The following TMPRSS5 variants were observed in gnomAD, a reference collection of about 807,000 sequenced individuals.
TMPRSS5 encodes transmembrane serine protease 5.
TMPRSS5 carries 45 observed loss-of-function variants against 59.7 expected under a neutral mutation model. That is an observed-to-expected ratio of 0.75 (90% CI 0.59 to 0.97). The LOEUF (loss-of-function observed/expected upper bound fraction) is 0.97. Ranked by LOEUF, TMPRSS5 falls within the 50% of genes least tolerant of loss-of-function variation. The pLI is 0.00. For missense variants in TMPRSS5, 585 were observed against 596.7 expected (o/e 0.98, Z 0.20); for synonymous variants, 225 against 232.0 (o/e 0.97, Z 0.27).
chr11:113,695,439 T>C lies in TMPRSS5; in HGVS notation c.583A>G (p.Asn195Asp). ...GAAACAACTTGACCAGAAGTGCAGT[T>C]GTTCCTGCAAAACAGAGGTACCAAC... ...FLEEAWQPRN[N>D]CTSGQVVSLR... is the part of the protein sequence containing the mutation. Residue 195 changes from asparagine to aspartate, a missense_variant, in exon 7 of 13, where the codon AAC becomes GAC. Transcript: ENST00000299882. 1 of 1,613,982 alleles carries C rather than the reference T, an allele frequency of 6.2e-7. No individual in the cohort carries two copies. The highest frequency in any genetic ancestry group is 8.5e-7 in the Non-Finnish European group (1 of 1,179,876).
At chr11:113,693,601 T>C (rs573756304) in intron 8 of TMPRSS5, 1 of 178,594 alleles carries the variant, frequency 5.6e-6, no homozygotes. Flanking sequence ...TCTCTCAACT[T>C]ACTGTGTGTG....
chr11:113,700,281 T>A, intron 1 of TMPRSS5, 113 bp from the exon 2 acceptor site: 1 of 952,816 alleles, frequency 1.0e-6, no homozygotes. Flanking sequence ...CCATTGCCAC[T>A]TGTAAACCTC....
chr11:113,699,272 C>CT, intron 3 of TMPRSS5, among the ~76,000 whole-genome samples: 1 of 24,072 alleles, frequency 4.2e-5, no homozygotes, highest in African/African-American at 2.0e-4. Context: ...TCTCTCTCTC[C>CT]CTCTCTCTCT....
rs1385980969 is a variant in TMPRSS5 at position 113,699,270 on chromosome 11, TCC to T, written c.206-245_206-244del. ...CTCTCTCTCTCTCTCTCTCTCTCTC[TCC>T]CTCTCTCTCTCTCTCTCTCTGTCTC... On this transcript the variant is annotated intron_variant, in intron 3 of 12. Coordinates refer to ENST00000299882, the MANE Select transcript of TMPRSS5 (RefSeq NM_030770.4). 6.8e-3 allele frequency among the ~76,000 whole-genome samples: 379 copies of T among 55,628 alleles called. 12 individuals are homozygous for T. Among genetic ancestry groups the T allele is most frequent in the East Asian group, 0.022 (38 of 1,754 alleles). 36.5% of individuals were successfully genotyped at this position (55,628 alleles called of 152,430 possible).
At position 113,695,411 on chromosome 11, in the gene TMPRSS5, A is replaced by G; in HGVS notation, c.611T>C (p.Leu204Pro). The G allele has an allele frequency of 6.2e-6, 10 of 1,613,976 alleles. No homozygotes were observed. Among genetic ancestry groups the G allele is most frequent in the Non-Finnish European group, 8.5e-6 (10 of 1,179,862 alleles). Residue 204 changes from leucine to proline, a missense_variant, in exon 7 of 13, where the codon CTC becomes CCC. By Grantham distance (98) the Leu-to-Pro change is moderately conservative. Coordinates refer to ENST00000299882, the MANE Select transcript of TMPRSS5 (RefSeq NM_030770.4). The stretch of plus-strand genomic sequence containing the variant: ...AAGATATGACTCACCAGAGCATCTG[A>G]GGGAAACAACTTGACCAGAAGTGCA... ...NNCTSGQVVS[L>P]RCSECGARPL...
intron 1 of TMPRSS5, among the ~76,000 whole-genome samples, chr11:113,701,860 T>TAG (rs1472751002): frequency 6.6e-6 from 1 of 152,156 alleles, no homozygotes; most frequent in African/African-American, 2.4e-5. Flanking sequence ...TAGGTATACA[T>TAG]GTGCCGTGGT....
intron 1 of TMPRSS5, among the ~76,000 whole-genome samples, chr11:113,702,863 G>A (rs1416532478): frequency 6.6e-6 from 1 of 152,226 alleles, no homozygotes; most frequent in African/African-American, 2.4e-5. Context: ...AATAACTGAG[G>A]TTTGAAAACC....
intron 1 of TMPRSS5, among the ~76,000 whole-genome samples, chr11:113,703,272 G>A (rs771918368): frequency 2.6e-5 from 4 of 152,216 alleles, no homozygotes; most frequent in African/African-American, 7.2e-5. Flanking sequence ...AAGGTTTAAC[G>A]ACTGCCCTAT....
intron 11 of TMPRSS5, 129 bp downstream of exon 11, chr11:113,690,102 C>T: frequency 2.2e-6 from 3 of 1,361,742 alleles, no homozygotes; most frequent in Non-Finnish European, 3.0e-6. Flanking sequence ...AGGTGCCCCT[C>T]CTTCTAGAGA....
Position 113,693,190 on chromosome 11 carries a change from G to A in TMPRSS5, c.845C>T (p.Ala282Val). ...RVHAGLVSHS[A>V]VRPHQGALVE... Reference sequence around the variant, plus strand: ...CAGAGCCCCTTGGTGGGGCCTGACGGCACTGTGGCTGACCAGCCCCGCATG... The same window carrying A: ...CAGAGCCCCTTGGTGGGGCCTGACGACACTGTGGCTGACCAGCCCCGCATG... Residue 282 changes from alanine to valine, a missense_variant, in exon 9 of 13, where the codon GCC becomes GTC. Coordinates refer to ENST00000299882, the MANE Select transcript of TMPRSS5 (RefSeq NM_030770.4). The A allele has an allele frequency of 6.2e-7, 1 of 1,600,166 alleles. No homozygotes were observed. The highest frequency in any genetic ancestry group is 8.5e-7 in the Non-Finnish European group (1 of 1,173,254).
Position 113,693,627 on chromosome 11 carries a change from C to T in TMPRSS5, c.786-378G>A, listed in dbSNP as rs143174544. 2.2e-3 allele frequency: 367 copies of T among 167,302 alleles called. 1 individual carries two copies. Among genetic ancestry groups the T allele is most frequent in the African/African-American group, 7.9e-3 (333 of 42,038 alleles). 10.4% of individuals were successfully genotyped at this position (167,302 alleles called of 1,614,324 possible). ...ACTGTGTGTGATCATGGGAGAGGCA[C>T]TTCTCCCTCTCAGCCTCGGTAAAAT... is the stretch of plus-strand genomic sequence containing the variant. On this transcript the variant is annotated intron_variant, in intron 8 of 12. Coordinates refer to ENST00000299882, the MANE Select transcript of TMPRSS5 (RefSeq NM_030770.4).
chr11:113,691,904 T>TTTTTTTTTTTTTTTTG (rs1565256089), intron 9 of TMPRSS5, among the ~76,000 whole-genome samples: 1 of 147,246 alleles, frequency 6.8e-6, no homozygotes, highest in African/African-American at 2.5e-5. Flanking sequence ...TTTTTTTTTT[T>TTTTTTTTTTTTTTTTG]TGAGACGGAG....
In TMPRSS5 at chr11:113,693,254, A is replaced by C. The variant is rs750486812; in HGVS notation, c.786-5T>G. On this transcript the variant is annotated splice_polypyrimidine_tract_variant and splice_region_variant and intron_variant, in intron 8 of 12. Transcript: ENST00000299882. ...GACAGGCGGGCCAGCCTGAAACTGC[A>C]CACAGGGGCCATGCTGAGCGGGGAA... 5.8e-6 allele frequency: 9 copies of C among 1,550,220 alleles called. No homozygotes were observed. The highest frequency in any genetic ancestry group is 8.7e-7 in the Non-Finnish European group (1 of 1,146,734).
intron 12 of TMPRSS5, 34 bp downstream of exon 12, chr11:113,689,731 A>G (rs1952706492): frequency 6.3e-7 from 1 of 1,595,084 alleles, no homozygotes; most frequent in African/African-American, 1.3e-5. Flanking sequence ...GTCCTTTAGA[A>G]ATCTCCCTGC....
Position 113,699,262 on chromosome 11 carries a change from T to TCCCCC in TMPRSS5, c.206-236_206-235insGGGGG, listed in dbSNP as rs370060093. ...CTCTCTCTCTCTCTCTCTCTCTCTC[T>TCCCCC]CTCTCTCTCCCTCTCTCTCTCTCTC... On this transcript the variant is annotated intron_variant, in intron 3 of 12. Transcript: ENST00000299882. Among the ~76,000 whole-genome samples, 182 of 93,250 alleles carry TCCCCC rather than the reference T, an allele frequency of 2.0e-3. 19 individuals are homozygous for TCCCCC. The highest frequency in any genetic ancestry group is 4.7e-3 in the South Asian group (13 of 2,776). 61.2% of individuals were successfully genotyped at this position (93,250 alleles called of 152,430 possible). A position where few individuals can be genotyped will look rare whatever the true frequency, so the allele number is the denominator to read the frequency against.
Position 113,687,892 on chromosome 11 carries a change from A to G in TMPRSS5, c.*368T>C. ...CAGCACCCTCCCAAAAGACTCACAC[A>G]GGGGCAGGGAGGGGAGAGGGCAGAA... is the stretch of plus-strand genomic sequence containing the variant. On this transcript the variant is annotated 3_prime_UTR_variant, in exon 13 of 13. Coordinates refer to ENST00000299882, the MANE Select transcript of TMPRSS5 (RefSeq NM_030770.4). 4.7e-6 allele frequency: 1 copy of G among 214,910 alleles called. No individual in the cohort carries two copies. Among genetic ancestry groups the G allele is most frequent in the Non-Finnish European group, 9.1e-6 (1 of 110,102 alleles). The allele number at this position is 214,910 out of a possible 1,614,324, so 13.3% of individuals were successfully genotyped here.
Position 113,696,952 on chromosome 11 carries a change from C to A in TMPRSS5, c.484G>T (p.Val162Leu). Residue 162 changes from valine to leucine, a missense_variant, in exon 6 of 13, where the codon GTA (valine) becomes TTA (leucine). Physicochemically the swap from Val to Leu is conservative, Grantham distance 32. Coordinates refer to ENST00000299882, the MANE Select transcript of TMPRSS5 (RefSeq NM_030770.4). ...TTGAGTTTGATGTCAGTGAGGTTTACTCCCTTGTGGTGAGTGAGTCTTGGC... is the reference window on the plus strand; with the variant it reads ...TTGAGTTTGATGTCAGTGAGGTTTAATCCCTTGTGGTGAGTGAGTCTTGGC... ...GHLRLTHHKG[V>L]NLTDIKLNSS... 1 of 1,577,478 alleles carries A rather than the reference C, an allele frequency of 6.3e-7. No individual in the cohort carries two copies. The highest frequency in any genetic ancestry group is 1.2e-5 in the South Asian group (1 of 85,702).
In TMPRSS5 at chr11:113,696,927, T is replaced by C. The variant is rs1591382098; in HGVS notation, c.509A>G (p.Asn170Ser). The change falls in exon 6 of 13, where the codon AAC becomes AGC. Residue 170 changes from asparagine (N) to serine (S), a missense_variant. Asn to Ser is a conservative substitution (Grantham distance 46, BLOSUM62 1). Coordinates refer to ENST00000299882, the MANE Select transcript of TMPRSS5 (RefSeq NM_030770.4). Reference protein sequence around the residue: ...KGVNLTDIKLNSSQEFAQLSP... With the variant: ...KGVNLTDIKLSSSQEFAQLSP... ...GAGCTGAGCAAACTCCTGGGAACTG[T>C]TGAGTTTGATGTCAGTGAGGTTTAC... 15 of 1,581,902 alleles carry C rather than the reference T, an allele frequency of 9.5e-6. No individual in the cohort carries two copies. In the East Asian group the frequency reaches 1.6e-4, roughly 17 times the overall value.
At chr11:113,703,400 G>T (rs1953196520) in intron 1 of TMPRSS5, among the ~76,000 whole-genome samples, 1 of 152,186 alleles carries the variant, frequency 6.6e-6, no homozygotes, top group South Asian at 2.1e-4. Context: ...TAACTAACTT[G>T]CTTTTGATTT....
Sources: gnomAD v4.1 joint callset for allele counts (sites outside exome capture counted in the v4.1 genomes callset) on GRCh38, gnomAD v4.1.1 for gene constraint, MANE v1.5 for transcripts, NCBI Gene and HGNC (gene_info 2026-07-23, HGNC 2026-07-21) for gene names.